The following RASGEF1B variants were observed in gnomAD, a reference collection of about 807,000 sequenced individuals.
The protein encoded by RASGEF1B is RasGEF domain family member 1B.
RASGEF1B carries 30 observed loss-of-function variants against 65.7 expected under a neutral mutation model. The observed-to-expected ratio is 0.46, with a 90% CI of 0.34 to 0.62. The LOEUF (loss-of-function observed/expected upper bound fraction) is 0.62, where lower values mean the gene tolerates loss of function less well. Ranked by LOEUF, RASGEF1B falls within the 20% of genes least tolerant of loss-of-function variation. The pLI, the probability that RASGEF1B is intolerant of heterozygous loss-of-function variation, is 0.01. For synonymous variants in RASGEF1B, 175 were observed against 194.8 expected (o/e 0.90, Z 0.85); for missense variants, 495 against 580.1 (o/e 0.85, Z 1.51).
chr4:81,443,184 T>C (rs1721904115), intron 8 of RASGEF1B, among the ~76,000 whole-genome samples: 1 of 152,212 alleles, frequency 6.6e-6, no homozygotes, highest in Admixed American at 6.5e-5. Flanking sequence ...GTGGCTGTTG[T>C]ACAGAAAAGG....
At chr4:81,442,406 A>G in intron 8 of RASGEF1B, 30 bp from the exon 9 acceptor site, 1 of 1,318,468 alleles carries the variant, frequency 7.6e-7, no homozygotes, top group East Asian at 2.3e-5. Flanking sequence ...GGGGAGAAAA[A>G]AGGAAAATTG....
At chr4:81,439,286 A>G (rs190826455) in intron 10 of RASGEF1B, among the ~76,000 whole-genome samples, 320 of 152,270 alleles carry the variant, frequency 2.1e-3, no homozygotes, top group Non-Finnish European at 3.1e-3. Context: ...TAATAATTGA[A>G]TGGCTGTGAT....
intron 1 of RASGEF1B, among the ~76,000 whole-genome samples, chr4:81,463,743 G>T (rs964689022): frequency 6.6e-6 from 1 of 152,172 alleles, no homozygotes; most frequent in African/African-American, 2.4e-5. Flanking sequence ...TTTCTCTAAA[G>T]TATCTTCCCT....
intron 8 of RASGEF1B, among the ~76,000 whole-genome samples, chr4:81,443,051 A>G (rs943016252): frequency 6.6e-6 from 1 of 152,234 alleles, no homozygotes; most frequent in African/African-American, 2.4e-5. Context: ...ATATCCAGTT[A>G]ACAAGTAACA....
intron 1 of RASGEF1B, among the ~76,000 whole-genome samples, chr4:81,467,369 T>C (rs1722875901): frequency 6.6e-6 from 1 of 152,168 alleles, no homozygotes; most frequent in Non-Finnish European, 1.5e-5. Flanking sequence ...ATCTTTTGTC[T>C]TGGGGATGTG....
rs1722492548 is a variant in RASGEF1B, at chr4:81,457,579, T to A, written c.220A>T (p.Met74Leu). ...TTGGCCATTAGCTCATACGGATGCA[T>A]AAATAACCGAGAACTGAGTAGGAAG... is the stretch of plus-strand genomic sequence containing the variant. ...FTFLLSSRLF[M>L]HPYELMAKVC... Residue 74 changes from methionine (M) to leucine (L), a missense_variant, in exon 3 of 14, where the codon ATG becomes TTG. Transcript: ENST00000264400. 6.2e-7 allele frequency: 1 copy of A among 1,613,988 alleles called. No individual in the cohort carries two copies. The highest frequency in any genetic ancestry group is 8.5e-7 in the Non-Finnish European group (1 of 1,179,986).
At chr4:81,436,675 A>T (rs558896138) in intron 10 of RASGEF1B, among the ~76,000 whole-genome samples, 1 of 152,338 alleles carries the variant, frequency 6.6e-6, no homozygotes, top group South Asian at 2.1e-4. Flanking sequence ...CCAAAGTCAG[A>T]TCTTTTAAGT....
Position 81,445,558 on chromosome 4 carries a change from A to G in RASGEF1B, c.896T>C (p.Ile299Thr). ...CGCCATCAAGGAGTTGAAGTTGCCA[A>G]TGTTAAAACACTCCCGAGCTACGTC... is the stretch of plus-strand genomic sequence containing the variant. ...FIDVARECFNIGNFNSLMAII... is the reference protein window; with the variant it reads ...FIDVARECFNTGNFNSLMAII... Residue 299 changes from isoleucine to threonine, a missense_variant, in exon 8 of 14, where the codon ATT becomes ACT. Ile to Thr is a moderately conservative substitution (Grantham distance 89). Transcript: ENST00000264400. 6 of 1,613,822 alleles carry G rather than the reference A, an allele frequency of 3.7e-6. No individual in the cohort carries two copies. Among genetic ancestry groups the G allele is most frequent in the Non-Finnish European group, 2.5e-6 (3 of 1,179,738 alleles).
At chr4:81,434,811 A>G in intron 10 of RASGEF1B, 77 bp from the exon 11 acceptor site, 1 of 735,296 alleles carries the variant, frequency 1.4e-6, no homozygotes, top group Admixed American at 2.2e-5. Flanking sequence ...AAGATTAATG[A>G]ACAACATTAA....
At chr4:81,456,428 C>A in intron 4 of RASGEF1B, 1 of 653,416 alleles carries the variant, frequency 1.5e-6, no homozygotes. Flanking sequence ...ATGAACATAG[C>A]CCCAAATTAA....
chr4:81,466,769 AAAAAGAAAGAAAGAAAGAAAGAAAGAAAG>A (rs1722832250), intron 1 of RASGEF1B, among the ~76,000 whole-genome samples: 1 of 132,834 alleles, frequency 7.5e-6, no homozygotes, highest in Non-Finnish European at 1.6e-5. Flanking sequence ...AAAAAAAAAA[AAAAAGAAAGAAAGAAAGAAAGAAAGAAAG>A]AAAGAAAGAA....
At chr4:81,448,512 A>G (rs1012887829) in intron 4 of RASGEF1B, among the ~76,000 whole-genome samples, 3 of 152,208 alleles carry the variant, frequency 2.0e-5, no homozygotes, top group Non-Finnish European at 4.4e-5. Context: ...CTGAGAGTAC[A>G]GTTCAGGTTG....
intron 4 of RASGEF1B, chr4:81,450,986 A>T (rs927880190): frequency 3.9e-5 from 6 of 152,178 alleles, no homozygotes; most frequent in Admixed American, 2.0e-4. Context: ...AATTATGCAA[A>T]TATTTCCCAG....
rs1275246438 is a variant in RASGEF1B at position 81,426,861 on chromosome 4, G to A, written c.*907C>T. Reference sequence around the variant, plus strand: ...CATGGGTTTTCCCAAGATCCTTAAAGTCAGCTCATTTAAATTTACAAGAGA... The same window carrying A: ...CATGGGTTTTCCCAAGATCCTTAAAATCAGCTCATTTAAATTTACAAGAGA... On this transcript the variant is annotated 3_prime_UTR_variant, in exon 14 of 14. Transcript: ENST00000264400. The A allele has an allele frequency of 6.6e-6, 1 of 151,858 alleles. No individual in the cohort carries two copies. Among genetic ancestry groups the A allele is most frequent in the Admixed American group, 6.6e-5 (1 of 15,246 alleles). 9.4% of individuals were successfully genotyped at this position (151,858 alleles called of 1,614,324 possible).
At chr4:81,446,583 G>T (rs952085723) in intron 6 of RASGEF1B, among the ~76,000 whole-genome samples, 1 of 152,052 alleles carries the variant, frequency 6.6e-6, no homozygotes, top group African/African-American at 2.4e-5. Context: ...TTAAGCATAG[G>T]ACAAAATTTT....
chr4:81,454,213 CAATTCTCATCAGGTAAACACA>C (rs1394942659), intron 4 of RASGEF1B: 1 of 152,168 alleles, frequency 6.6e-6, no homozygotes, highest in African/African-American at 2.4e-5. Context: ...ACAAAAAGAC[CAATTCTCATCAGGTAAACACA>C]AATAAAAATG....
intron 8 of RASGEF1B, among the ~76,000 whole-genome samples, chr4:81,443,722 T>C (rs1280091181): frequency 6.6e-6 from 1 of 152,262 alleles, no homozygotes; most frequent in Non-Finnish European, 1.5e-5. Flanking sequence ...CAATTATGAA[T>C]AAAGCTGTGT....
intron 3 of RASGEF1B, among the ~76,000 whole-genome samples, chr4:81,457,089 G>T (rs1722472915): frequency 6.6e-6 from 1 of 152,128 alleles, no homozygotes; most frequent in Non-Finnish European, 1.5e-5. Context: ...TGCAATCTCA[G>T]CTCACTGCAA....
intron 11 of RASGEF1B, 52 bp from the exon 12 acceptor site, chr4:81,434,015 T>A (rs761402775): frequency 3.3e-6 from 5 of 1,518,468 alleles, no homozygotes; most frequent in South Asian, 2.3e-5. Context: ...AAAATAATTA[T>A]GAGTTTGGGA....
Sources: allele counts gnomAD v4.1 joint callset (sites outside exome capture counted in the v4.1 genomes callset), GRCh38; gene constraint gnomAD v4.1.1; transcripts MANE v1.5; gene names NCBI Gene and HGNC (gene_info 2026-07-23, HGNC 2026-07-21).